Variants in PDE1C observed in about 807,000 individuals in gnomAD.
PDE1C encodes the protein phosphodiesterase 1C, also known as dual specificity calcium/calmodulin-dependent 3',5'-cyclic nucleotide phosphodiesterase 1C.
A neutral mutation model predicts 93.1 loss-of-function variants in PDE1C; 62 were observed. The ratio of observed to expected loss-of-function variants is 0.67; its 90% CI spans 0.54 to 0.82. The LOEUF (loss-of-function observed/expected upper bound fraction) is 0.82. Ranked by LOEUF, PDE1C falls within the 40% of genes least tolerant of loss-of-function variation. The pLI is 0.00. For missense variants in PDE1C, 742 were observed against 884.6 expected (o/e 0.84, Z 2.04); for synonymous variants, 325 against 310.1 (o/e 1.05, Z -0.50).
intron 3 of PDE1C, among the ~76,000 whole-genome samples, chr7:32,098,446 C>G (rs1797880650): frequency 6.6e-6 from 1 of 151,998 alleles, no homozygotes; most frequent in African/African-American, 2.4e-5. Context: ...AACTCAAATT[C>G]TAATGATCTT....
At chr7:32,339,363 C>T (rs879698745) in intron 1 of PDE1C, among the ~76,000 whole-genome samples, 21 of 151,994 alleles carry the variant, frequency 1.4e-4, no homozygotes, top group Non-Finnish European at 2.8e-4. Flanking sequence ...GACAGAGGTA[C>T]GACGGAGCTG....
chr7:31,931,350 G>A (rs903550600), intron 2 of PDE1C, among the ~76,000 whole-genome samples: 2 of 152,154 alleles, frequency 1.3e-5, no homozygotes, highest in African/African-American at 4.8e-5. Flanking sequence ...CATTGTCTCA[G>A]CCCAAAAACT....
intron 1 of PDE1C, among the ~76,000 whole-genome samples, chr7:32,274,372 C>CTT (rs35725532): frequency 0.23 from 30,257 of 132,368 alleles, 3,999 homozygotes; most frequent in East Asian, 0.44. Context: ...CATGTCTGGC[C>CTT]TTTTTTTTTT....
At chr7:32,246,452 T>TCAGACACTGCCACAGCGAACAC (rs146675076) in intron 1 of PDE1C, among the ~76,000 whole-genome samples, 19,914 of 151,778 alleles carry the variant, frequency 0.13, 1,520 homozygotes, top group African/African-American at 0.19. Flanking sequence ...GCCCAGAAGA[T>TCAGACACTGCCACAGCGAACAC]CAGACACTGC....
chr7:32,293,117 T>C (rs760360221), intron 1 of PDE1C, among the ~76,000 whole-genome samples: 10 of 152,140 alleles, frequency 6.6e-5, no homozygotes, highest in South Asian at 2.1e-4. Context: ...GGAAGGGACA[T>C]TGAACAGACA....
intron 2 of PDE1C, among the ~76,000 whole-genome samples, chr7:31,961,970 G>A (rs1809058906): frequency 6.6e-6 from 1 of 152,124 alleles, no homozygotes; most frequent in African/African-American, 2.4e-5. Context: ...CCAGCCTCAA[G>A]ACAAAACTTA....
the PDE1C span, among the ~76,000 whole-genome samples, chr7:31,629,754 A>G: frequency 2.0e-5 from 3 of 152,184 alleles, no homozygotes; most frequent in African/African-American, 7.2e-5. Context: ...TTTGCAACTC[A>G]CGAATTGTGT....
intron 3 of PDE1C, among the ~76,000 whole-genome samples, chr7:32,160,073 C>G (rs1022390264): frequency 2.6e-5 from 4 of 152,044 alleles, no homozygotes; most frequent in Admixed American, 2.6e-4. Context: ...TAAAGCACAG[C>G]CACAGGAGGA....
intron 1 of PDE1C, among the ~76,000 whole-genome samples, chr7:32,224,589 G>A (rs1389942994): frequency 2.0e-5 from 3 of 152,162 alleles, no homozygotes; most frequent in Admixed American, 6.5e-5. Flanking sequence ...AGAGGTAGAT[G>A]GTGGTGGTGG....
At chr7:31,876,733 T>TGC in intron 5 of PDE1C, among the ~76,000 whole-genome samples, 1 of 152,208 alleles carries the variant, frequency 6.6e-6, no homozygotes, top group Non-Finnish European at 1.5e-5. Context: ...ACTGAAGTAT[T>TGC]GGGCATCAGA....
intron 1 of PDE1C, among the ~76,000 whole-genome samples, chr7:32,339,457 C>A (rs1366454845): frequency 6.6e-6 from 1 of 152,210 alleles, no homozygotes; most frequent in African/African-American, 2.4e-5. Context: ...ATGTACTTAA[C>A]ACTACTGAAC....
At chr7:31,710,595 A>G in the PDE1C span, among the ~76,000 whole-genome samples, 1 of 152,180 alleles carries the variant, frequency 6.6e-6, no homozygotes, top group Non-Finnish European at 1.5e-5. Context: ...TGGTTGTGAA[A>G]ATAAGTTAGC....
chr7:32,009,776 T>C (rs1335179730), intron 2 of PDE1C, among the ~76,000 whole-genome samples: 1 of 152,214 alleles, frequency 6.6e-6, no homozygotes, highest in African/African-American at 2.4e-5. Flanking sequence ...TGACATTTTA[T>C]GTAGAAAACC....
At chr7:31,904,335 A>G (rs146722805) in intron 2 of PDE1C, among the ~76,000 whole-genome samples, 3 of 152,200 alleles carry the variant, frequency 2.0e-5, no homozygotes, top group African/African-American at 7.2e-5. Context: ...TTATAACACA[A>G]AATTTGCGAG....
chr7:32,358,420 G>A (rs1784071258), intron 1 of PDE1C, among the ~76,000 whole-genome samples: 1 of 152,214 alleles, frequency 6.6e-6, no homozygotes, highest in African/African-American at 2.4e-5. Flanking sequence ...GCTGCAGTGT[G>A]TTCATTGGCA....
intron 1 of PDE1C, among the ~76,000 whole-genome samples, chr7:32,382,412 G>T (rs1023375775): frequency 6.6e-6 from 1 of 152,038 alleles, no homozygotes; most frequent in East Asian, 1.9e-4. Context: ...CCCCTACCTT[G>T]TATCCCTGTC....
rs1374620368 is a variant in PDE1C, at chr7:31,824,917, T to C, written c.1356A>G (p.Pro452=). 1 of 1,613,422 alleles carries C rather than the reference T, an allele frequency of 6.2e-7. No individual in the cohort carries two copies. The highest frequency in any genetic ancestry group is 2.2e-5 in the East Asian group (1 of 44,842). The change falls in exon 13 of 18, where the codon CCA becomes CCG. Residue 452 remains proline (P), a synonymous_variant. Transcript: ENST00000396191. The part of the protein sequence containing the change: ...LTDMTEKIVS[P]LIDETSQTGG... ...CAGTTTGAGAGGTTTCATCGATTAA[T>C]GGACTCACAATCTTCTCGGTCATGT... is the stretch of plus-strand genomic sequence containing the variant.
chr7:32,285,029 CAAAAAAA>C (rs773479808), intron 1 of PDE1C, among the ~76,000 whole-genome samples: 2 of 81,356 alleles, frequency 2.5e-5, no homozygotes, highest in Admixed American at 2.6e-4. Context: ...GACTCTGTCT[CAAAAAAA>C]AAAAAAAGAA....
At chr7:32,045,149 C>T (rs1792374335) in intron 2 of PDE1C, among the ~76,000 whole-genome samples, 1 of 146,270 alleles carries the variant, frequency 6.8e-6, no homozygotes, top group South Asian at 2.3e-4. Flanking sequence ...GTGATGGCTG[C>T]CTGTACTCTG....
Sources: allele counts gnomAD v4.1 joint callset (sites outside exome capture counted in the v4.1 genomes callset), GRCh38; gene constraint gnomAD v4.1.1; transcripts MANE v1.5; gene names NCBI Gene and HGNC (gene_info 2026-07-23, HGNC 2026-07-21).